Variants in MACROD2 observed in about 807,000 individuals in gnomAD.
MACROD2 encodes the protein mono-ADP ribosylhydrolase 2.
MACROD2 carries 36 observed loss-of-function variants against 70.4 expected under a neutral mutation model. The observed-to-expected ratio is 0.51, with a 90% CI of 0.39 to 0.68. MACROD2 has a LOEUF of 0.68. Among genes scored for constraint, MACROD2 ranks in the 30% least tolerant of loss-of-function variants. The probability of loss-of-function intolerance (pLI) is 0.00; values close to 1 mark genes in which losing one functional copy is unlikely to be tolerated. For synonymous variants in MACROD2, 172 were observed against 178.8 expected (o/e 0.96, Z 0.30); for missense variants, 496 against 538.4 (o/e 0.92, Z 0.78).
chr20:16,034,256 T>G (rs2067193208), intron 15 of MACROD2, among the ~76,000 whole-genome samples: 1 of 152,018 alleles, frequency 6.6e-6, no homozygotes, highest in Non-Finnish European at 1.5e-5. Flanking sequence ...GAGCAGTTTG[T>G]GGGAAAGCAT....
intron 8 of MACROD2, among the ~76,000 whole-genome samples, chr20:15,530,677 T>A (rs2047785340): frequency 7.1e-6 from 1 of 140,252 alleles, no homozygotes; most frequent in Non-Finnish European, 1.5e-5. Context: ...ATTGCGCCAC[T>A]GCACTCTATC....
At chr20:14,497,350 A>G (rs527493601) in intron 4 of MACROD2, among the ~76,000 whole-genome samples, 2 of 151,888 alleles carry the variant, frequency 1.3e-5, no homozygotes, top group South Asian at 4.1e-4. Context: ...AATGTTGTAC[A>G]TGCACAAGGT....
At chr20:15,006,786 C>T (rs1419508801) in intron 5 of MACROD2, among the ~76,000 whole-genome samples, 1 of 152,176 alleles carries the variant, frequency 6.6e-6, no homozygotes, top group Non-Finnish European at 1.5e-5. Flanking sequence ...TGTTGGGTCA[C>T]TGCACACTGC....
rs6034026 is a variant in MACROD2, at chr20:14,744,941, T to G, written c.418+59982T>G. On this transcript the variant is annotated intron_variant, in intron 5 of 17. Transcript: ENST00000684519. Reference sequence around the variant, plus strand: ...GTTTGTTTTTTTCAGCCACTAAGTTTTGGGATGATGTGTTTCTCAGCAATA... The same window carrying G: ...GTTTGTTTTTTTCAGCCACTAAGTTGTGGGATGATGTGTTTCTCAGCAATA... Among the ~76,000 whole-genome samples, 1,324 of 152,196 alleles carry G rather than the reference T, an allele frequency of 8.7e-3. 18 individuals are homozygous for G. The highest frequency in any genetic ancestry group is 0.03 in the African/African-American group (1,251 of 41,514).
intron 5 of MACROD2, among the ~76,000 whole-genome samples, chr20:14,738,092 T>TG (rs5840629): frequency 6.6e-6 from 1 of 151,758 alleles, no homozygotes; most frequent in Admixed American, 6.6e-5. Context: ...CAAGTGTTTT[T>TG]TTTTTTCATC....
At chr20:14,247,148 A>C (rs2081974264) in intron 3 of MACROD2, among the ~76,000 whole-genome samples, 1 of 152,158 alleles carries the variant, frequency 6.6e-6, no homozygotes, top group African/African-American at 2.4e-5. Context: ...AAATAAGTGT[A>C]TATAAATATA....
intron 8 of MACROD2, among the ~76,000 whole-genome samples, chr20:15,624,992 T>G (rs1461007982): frequency 6.6e-6 from 1 of 152,240 alleles, no homozygotes; most frequent in Non-Finnish European, 1.5e-5. Flanking sequence ...TTTCCATATC[T>G]AGCAGTTTGT....
chr20:15,307,793 T>C (rs2077712428), intron 6 of MACROD2, among the ~76,000 whole-genome samples: 1 of 152,192 alleles, frequency 6.6e-6, no homozygotes, highest in Admixed American at 6.5e-5. Context: ...ACATATTACA[T>C]TTTTTGTCAT....
At chr20:15,986,914 A>G in intron 14 of MACROD2, 113 bp downstream of exon 14, 1 of 1,013,570 alleles carries the variant, frequency 9.9e-7, no homozygotes, top group Non-Finnish European at 1.5e-6. Context: ...GGCAATGATT[A>G]CTGGAGGATA....
At chr20:15,385,297 C>A (rs2045697891) in intron 6 of MACROD2, among the ~76,000 whole-genome samples, 1 of 152,126 alleles carries the variant, frequency 6.6e-6, no homozygotes, top group African/African-American at 2.4e-5. Flanking sequence ...AGTTTTGGAA[C>A]AAAATGACTG....
At chr20:14,159,996 T>C (rs1428485208) in intron 3 of MACROD2, among the ~76,000 whole-genome samples, 1 of 152,210 alleles carries the variant, frequency 6.6e-6, no homozygotes, top group African/African-American at 2.4e-5. Context: ...GTTTTTGTCC[T>C]TTATTCTGTT....
intron 8 of MACROD2, among the ~76,000 whole-genome samples, chr20:15,593,893 G>T (rs1269221195): frequency 2.0e-5 from 3 of 152,194 alleles, no homozygotes; most frequent in Non-Finnish European, 4.4e-5. Context: ...GCCACTTATT[G>T]ATGCTGTGTA....
At chr20:15,134,433 A>G (rs1373834180) in intron 5 of MACROD2, among the ~76,000 whole-genome samples, 5 of 152,134 alleles carry the variant, frequency 3.3e-5, no homozygotes, top group Non-Finnish European at 7.4e-5. Flanking sequence ...CCGCTCAACT[A>G]CATGGAAACT....
In MACROD2 at chr20:15,474,391, C is replaced by T. The variant is rs1418407903; in HGVS notation, c.572-25383C>T. Among the ~76,000 whole-genome samples, 6 of 152,278 alleles carry T rather than the reference C, an allele frequency of 3.9e-5. No individual in the cohort carries two copies. The East Asian group carries it at 5.8e-4, about 15-fold the overall frequency. On this transcript the variant is annotated intron_variant, in intron 7 of 17. Coordinates refer to ENST00000684519, the MANE Select transcript of MACROD2 (RefSeq NM_001351661.2). ...TGTCCCAACTACCCACCTTGCACAGCGTTGACATCTGAGCGGGGATAGTGT... is the reference window on the plus strand; with the variant it reads ...TGTCCCAACTACCCACCTTGCACAGTGTTGACATCTGAGCGGGGATAGTGT...
chr20:14,783,129 C>A (rs78948799), intron 5 of MACROD2, among the ~76,000 whole-genome samples: 5 of 152,034 alleles, frequency 3.3e-5, no homozygotes, highest in Non-Finnish European at 7.4e-5. Flanking sequence ...TTTCCATGTG[C>A]GTTTGTAAAA....
chr20:15,741,483 C>T (rs943750032), intron 8 of MACROD2, among the ~76,000 whole-genome samples: 4 of 152,046 alleles, frequency 2.6e-5, no homozygotes, highest in African/African-American at 9.7e-5. Context: ...ACATGTCAGC[C>T]ATATTCCTGC....
At chr20:15,372,887 A>G (rs552721610) in intron 6 of MACROD2, among the ~76,000 whole-genome samples, 1 of 152,204 alleles carries the variant, frequency 6.6e-6, no homozygotes, top group South Asian at 2.1e-4. Context: ...CCCCATCTCT[A>G]CAAAAAATTA....
At chr20:15,224,654 G>T (rs987169066) in intron 5 of MACROD2, among the ~76,000 whole-genome samples, 1 of 152,164 alleles carries the variant, frequency 6.6e-6, no homozygotes. Context: ...AGCATAAGAA[G>T]TATGCTCTGG....
At chr20:15,155,471 C>T (rs2076300704) in intron 5 of MACROD2, among the ~76,000 whole-genome samples, 1 of 152,176 alleles carries the variant, frequency 6.6e-6, no homozygotes, top group African/African-American at 2.4e-5. Context: ...CTGAACTGCC[C>T]ACCCTGCTAC....
Sources: gnomAD v4.1 joint callset for allele counts (sites outside exome capture counted in the v4.1 genomes callset) on GRCh38, gnomAD v4.1.1 for gene constraint, MANE v1.5 for transcripts, NCBI Gene and HGNC (gene_info 2026-07-23, HGNC 2026-07-21) for gene names.